CDH13: variants seen among roughly 807,000 people sequenced by gnomAD.
CDH13 encodes the protein cadherin-13.
Under a neutral mutation model 63.8 loss-of-function variants are expected in CDH13, and 24 were observed. The observed-to-expected ratio is 0.38, with a 90% CI of 0.27 to 0.53. The LOEUF (loss-of-function observed/expected upper bound fraction) is 0.53, where lower values mean the gene tolerates loss of function less well. CDH13 is among the 20% of genes least tolerant of loss of function. The pLI, the probability that CDH13 is intolerant of heterozygous loss-of-function variation, is 0.85. For synonymous variants in CDH13, 503 were observed against 355.3 expected (o/e 1.42, Z -4.67); for missense variants, 1,049 against 903.1 (o/e 1.16, Z -2.07).
chr16:83,000,792 G>A (rs1912839787), intron 2 of CDH13, among the ~76,000 whole-genome samples: 1 of 151,956 alleles, frequency 6.6e-6, no homozygotes, highest in South Asian at 2.1e-4. Context: ...TGTTAGCCAA[G>A]ATGATCTCAA....
At chr16:82,704,494 C>T (rs186568737) in intron 1 of CDH13, among the ~76,000 whole-genome samples, 74 of 152,320 alleles carry the variant, frequency 4.9e-4, no homozygotes, top group African/African-American at 5.3e-4. Context: ...CCATTCTTTA[C>T]TCCTCCACAT....
chr16:83,671,580 C>A (rs1914504587), intron 9 of CDH13, among the ~76,000 whole-genome samples: 1 of 152,180 alleles, frequency 6.6e-6, no homozygotes, highest in African/African-American at 2.4e-5. Flanking sequence ...ATTCTTTATA[C>A]ATTTGCTAAG....
intron 2 of CDH13, among the ~76,000 whole-genome samples, chr16:82,987,305 G>C (rs1273652281): frequency 6.6e-6 from 1 of 152,188 alleles, no homozygotes; most frequent in Non-Finnish European, 1.5e-5. Context: ...ACTGGGCAGA[G>C]ATCTTATGAT....
chr16:82,928,624 A>G (rs1006176820), intron 2 of CDH13, among the ~76,000 whole-genome samples: 1 of 152,364 alleles, frequency 6.6e-6, no homozygotes, highest in African/African-American at 2.4e-5. Flanking sequence ...TTCAACATAA[A>G]TAAATAAGAA....
intron 6 of CDH13, among the ~76,000 whole-genome samples, chr16:83,392,317 C>T (rs1286158673): frequency 1.3e-5 from 2 of 152,136 alleles, no homozygotes; most frequent in African/African-American, 2.4e-5. Flanking sequence ...CCGTGCCTCA[C>T]GAGCTGTAAG....
chr16:82,969,291 G>A (rs561895747), intron 2 of CDH13, among the ~76,000 whole-genome samples: 3 of 151,958 alleles, frequency 2.0e-5, no homozygotes, highest in South Asian at 4.2e-4. Context: ...CCCTATACAC[G>A]ATACATAAAA....
chr16:82,847,215 C>T (rs900867331), intron 1 of CDH13, among the ~76,000 whole-genome samples: 7 of 152,206 alleles, frequency 4.6e-5, no homozygotes, highest in African/African-American at 1.7e-4. Context: ...CATTAGTTCC[C>T]AATGGCTGCT....
At chr16:83,201,162 G>T (rs751827949) in intron 4 of CDH13, among the ~76,000 whole-genome samples, 7 of 151,968 alleles carry the variant, frequency 4.6e-5, no homozygotes, top group Non-Finnish European at 7.4e-5. Flanking sequence ...TGACCATATG[G>T]TCTCTCATTT....
At chr16:82,888,374 T>C (rs1283696706) in intron 2 of CDH13, among the ~76,000 whole-genome samples, 1 of 152,204 alleles carries the variant, frequency 6.6e-6, no homozygotes, top group Non-Finnish European at 1.5e-5. Flanking sequence ...GTGACTGTCA[T>C]CAAGTTCTTC....
chr16:83,198,682 T>C (rs1332583075), intron 4 of CDH13, among the ~76,000 whole-genome samples: 3 of 152,118 alleles, frequency 2.0e-5, no homozygotes, highest in Non-Finnish European at 2.9e-5. Context: ...GAACCCAGAG[T>C]GCAGGATTGG....
At chr16:83,542,538 T>G (rs1034145777) in intron 7 of CDH13, among the ~76,000 whole-genome samples, 2 of 152,220 alleles carry the variant, frequency 1.3e-5, no homozygotes, top group Non-Finnish European at 2.9e-5. Context: ...ATAAACTAAG[T>G]GGCTTACAAC....
intron 10 of CDH13, among the ~76,000 whole-genome samples, chr16:83,736,426 T>A (rs764321962): frequency 2.0e-5 from 3 of 152,228 alleles, no homozygotes; most frequent in Non-Finnish European, 2.9e-5. Flanking sequence ...TGTATGATAT[T>A]GTTAAATTTG....
intron 6 of CDH13, among the ~76,000 whole-genome samples, chr16:83,384,142 A>G (rs1336684389): frequency 6.6e-6 from 1 of 152,132 alleles, no homozygotes; most frequent in East Asian, 1.9e-4. Flanking sequence ...TTCCAATCTA[A>G]TATCTAAGGG....
chr16:83,697,308 C>A (rs1189817084), intron 10 of CDH13, among the ~76,000 whole-genome samples: 1 of 152,150 alleles, frequency 6.6e-6, no homozygotes, highest in Non-Finnish European at 1.5e-5. Flanking sequence ...CAAATAAGTG[C>A]CCTTTTTGTG....
chr16:82,995,484 G>C (rs1308886011), intron 2 of CDH13, among the ~76,000 whole-genome samples: 3 of 152,116 alleles, frequency 2.0e-5, no homozygotes, highest in Non-Finnish European at 4.4e-5. Context: ...CTTGAATTAA[G>C]CTGAAAAGGG....
chr16:82,896,819 C>A (rs1181244343), intron 2 of CDH13, among the ~76,000 whole-genome samples: 1 of 107,904 alleles, frequency 9.3e-6, no homozygotes, highest in African/African-American at 3.6e-5. Context: ...CTCACTTTGT[C>A]ACCCAGGCTG....
At chr16:82,737,007 C>G (rs1020451573) in intron 1 of CDH13, among the ~76,000 whole-genome samples, 4 of 152,184 alleles carry the variant, frequency 2.6e-5, no homozygotes, top group African/African-American at 9.7e-5. Flanking sequence ...TTCCCAACAC[C>G]TAAGTGATTC....
chr16:82,685,350 A>G (rs1914957356), intron 1 of CDH13, among the ~76,000 whole-genome samples: 1 of 152,170 alleles, frequency 6.6e-6, no homozygotes, highest in South Asian at 2.1e-4. Context: ...TGGATGAGGG[A>G]TCTGGATGGA....
chr16:82,723,756 C>T (rs1311101213), intron 1 of CDH13, among the ~76,000 whole-genome samples: 1 of 151,880 alleles, frequency 6.6e-6, no homozygotes, highest in Non-Finnish European at 1.5e-5. Context: ...TTTGTTTTTG[C>T]TTTAGAATAT....
Sources: gnomAD v4.1 joint callset for allele counts (sites outside exome capture counted in the v4.1 genomes callset) on GRCh38, gnomAD v4.1.1 for gene constraint, MANE v1.5 for transcripts, NCBI Gene and HGNC (gene_info 2026-07-23, HGNC 2026-07-21) for gene names.